The following PCDHA2 variants were observed in gnomAD, a reference collection of about 807,000 sequenced individuals.
PCDHA2 encodes the protein protocadherin alpha-2.
PCDHA2 carries 58 observed loss-of-function variants against 66.0 expected under a neutral mutation model. The observed-to-expected ratio is 0.88, with a 90% CI of 0.71 to 1.09. The LOEUF is 1.09. PCDHA2 is among the 50% of genes least tolerant of loss of function. The pLI, the probability that PCDHA2 is intolerant of heterozygous loss-of-function variation, is 0.00. For synonymous variants in PCDHA2, 634 were observed against 554.0 expected (o/e 1.14, Z -2.03); for missense variants, 1,267 against 1,242.3 (o/e 1.02, Z -0.30).
chr5:140,888,724 C>G (rs1437926423), intron 1 of PCDHA2, among the ~76,000 whole-genome samples: 6 of 151,938 alleles, frequency 3.9e-5, no homozygotes, highest in African/African-American at 1.5e-4. Flanking sequence ...ATTTCCAGCC[C>G]TTTGTGAGCT....
At position 140,976,656 on chromosome 5, in the gene PCDHA2, C is replaced by T. The variant is rs551402825; in HGVS notation, c.2389-2293C>T. ...AATCAGACAAGTAATTTAATCTCTC[C>T]AAAGTTCAGATGTCTCATTTTTGCA... is the stretch of plus-strand genomic sequence containing the variant. On this transcript the variant is annotated intron_variant, in intron 1 of 3. Transcript: ENST00000526136. Among the ~76,000 whole-genome samples the T allele has an allele frequency of 3.3e-5, 5 of 152,272 alleles. No homozygotes were observed. The South Asian group carries it at 1.0e-3, about 32-fold the overall frequency.
rs1322462286 is a variant in PCDHA2, at chr5:140,806,943, AGT to A, written c.2388+9597_2388+9598del. The A allele has an allele frequency of 7.0e-6, 4 of 570,470 alleles. No homozygotes were observed. The Admixed American group carries it at 9.6e-5, about 14-fold the overall frequency. The allele number at this position is 570,470 out of a possible 1,614,324, so 35.3% of individuals were successfully genotyped here. ...AATAAAACCAAGTAGTTTACAGTAG[AGT>A]GTGTGGGGGTTTCCACAATTGCTAC... On this transcript the variant is annotated intron_variant, in intron 1 of 3. Transcript: ENST00000526136.
In PCDHA2 at chr5:140,877,394, A is replaced by G. The variant is rs538259450; in HGVS notation, c.2388+80042A>G. 5.6e-6 allele frequency: 9 copies of G among 1,613,930 alleles called. No individual in the cohort carries two copies. In the South Asian group the frequency reaches 8.8e-5, roughly 16 times the overall value. On this transcript the variant is annotated intron_variant, in intron 1 of 3. Transcript: ENST00000526136. ...ACGACACGCATCCTGGATGAGGCGG[A>G]CGCTCCGCGCCACCGCCTGCTGGTG... is the stretch of plus-strand genomic sequence containing the variant.
chr5:140,823,817 C>A, intron 1 of PCDHA2: 1 of 1,613,782 alleles, frequency 6.2e-7, no homozygotes. Context: ...TCATCGCGGG[C>A]GTCGGCGGGC....
intron 1 of PCDHA2, chr5:140,928,897 G>C: frequency 6.2e-7 from 1 of 1,614,186 alleles, no homozygotes. Flanking sequence ...AGACTTTGAA[G>C]ATGTCTGGGA....
chr5:140,967,057 AGC>A, intron 1 of PCDHA2: 1 of 1,612,704 alleles, frequency 6.2e-7, no homozygotes, highest in Non-Finnish European at 8.5e-7. Context: ...TGACGAGTGG[AGC>A]GCTCTTCGTC....
intron 1 of PCDHA2, chr5:140,805,210 C>T: frequency 4.9e-6 from 7 of 1,426,898 alleles, no homozygotes; most frequent in Non-Finnish European, 6.4e-6. Context: ...ACCAAATAAA[C>T]ATTGTTTTCT....
rs142720081 is a variant in PCDHA2, at chr5:141,009,771, T to G, written c.2681T>G (p.Ile894Ser). 1 of 1,614,082 alleles carries G rather than the reference T, an allele frequency of 6.2e-7. No individual in the cohort carries two copies. The change falls in exon 4 of 4, where the codon ATC becomes AGC. Residue 894 changes from isoleucine to serine, a missense_variant. Physicochemically the swap from Ile to Ser is moderately radical, Grantham distance 142. Transcript: ENST00000526136. ...DKFIIPGSPA[I>S]ISIRQEPTNS... ...TTCATTATCCCAGGATCTCCTGCAA[T>G]CATCTCCATCCGGCAGGAGCCTACT...
intron 3 of PCDHA2, among the ~76,000 whole-genome samples, chr5:141,006,214 TTA>T (rs2098261511): frequency 6.6e-6 from 1 of 152,046 alleles, no homozygotes; most frequent in South Asian, 2.1e-4. Flanking sequence ...TCATTTTTTT[TTA>T]AATTTTTTAT....
intron 1 of PCDHA2, among the ~76,000 whole-genome samples, chr5:140,846,117 T>C (rs1780205131): frequency 6.7e-6 from 1 of 149,668 alleles, no homozygotes; most frequent in African/African-American, 2.4e-5. Flanking sequence ...CTATCTTACT[T>C]TGATAGTTGT....
intron 1 of PCDHA2, among the ~76,000 whole-genome samples, chr5:140,944,043 T>C (rs2093600641): frequency 6.6e-6 from 1 of 152,080 alleles, no homozygotes; most frequent in African/African-American, 2.4e-5. Flanking sequence ...GAAAACCAGA[T>C]TGGGATACAA....
chr5:140,829,433 A>G lies in PCDHA2; in HGVS notation c.2388+32081A>G, dbSNP rs2150167809. ...CAGCTTGTCTGTGGAGGTGGCCGAC[A>G]TGAATGACAATGCTCCGGCGTTCGC... On this transcript the variant is annotated intron_variant, in intron 1 of 3. Transcript: ENST00000526136. The G allele has an allele frequency of 1.2e-4, 193 of 1,613,948 alleles. No homozygotes were observed. Among genetic ancestry groups the G allele is most frequent in the African/African-American group, 7.6e-4 (57 of 75,048 alleles).
chr5:140,827,904 G>GC (rs1769447630), intron 1 of PCDHA2: 2 of 786,390 alleles, frequency 2.5e-6, no homozygotes, highest in African/African-American at 3.4e-5. Flanking sequence ...TTTTGGAGCC[G>GC]CATGATGTCG....
At chr5:140,967,909 C>A in intron 1 of PCDHA2, 1 of 1,614,206 alleles carries the variant, frequency 6.2e-7, no homozygotes, top group Non-Finnish European at 8.5e-7. Flanking sequence ...CTACACCCAA[C>A]ACCATTGTGG....
At chr5:140,835,811 T>G (rs2150245385) in intron 1 of PCDHA2, 44 of 1,612,792 alleles carry the variant, frequency 2.7e-5, no homozygotes, top group African/African-American at 9.3e-5. Flanking sequence ...ACATCTTCAC[T>G]GTGTCGGCGG....
At chr5:140,820,841 T>G (rs11167609) in intron 1 of PCDHA2, among the ~76,000 whole-genome samples, 88,272 of 151,788 alleles carry the variant, frequency 0.58, 26,392 homozygotes, top group African/African-American at 0.72. Flanking sequence ...TAATAGCAAC[T>G]TGAAGAAATG....
At chr5:140,807,072 A>ATG in intron 1 of PCDHA2, 1 of 1,174,706 alleles carries the variant, frequency 8.5e-7, no homozygotes, top group Non-Finnish European at 1.2e-6. Flanking sequence ...GGAACCATAT[A>ATG]CACTCTTTGG....
rs186780543 is a variant in PCDHA2, at chr5:140,848,623, C to T, written c.2388+51271C>T. On this transcript the variant is annotated intron_variant, in intron 1 of 3. Transcript: ENST00000526136. The stretch of plus-strand genomic sequence containing the variant: ...GTCCCGGAGGAAGCCGAACACGGCA[C>T]CTTCGTGGGCCGCATCGCGCAGGAC... The T allele has an allele frequency of 1.0e-5, 16 of 1,592,746 alleles. 2 individuals carry two copies. The Admixed American group carries it at 1.5e-4, about 15-fold the overall frequency.
chr5:140,965,031 T>C (rs1211247687), intron 1 of PCDHA2, among the ~76,000 whole-genome samples: 3 of 152,208 alleles, frequency 2.0e-5, no homozygotes, highest in African/African-American at 7.2e-5. Flanking sequence ...CTCCTTTAAC[T>C]GTCCGCTCTA....
Sources: gnomAD v4.1 joint callset for allele counts (sites outside exome capture counted in the v4.1 genomes callset) on GRCh38, gnomAD v4.1.1 for gene constraint, MANE v1.5 for transcripts, NCBI Gene and HGNC (gene_info 2026-07-23, HGNC 2026-07-21) for gene names.